RBFOX1: variants seen among roughly 807,000 people sequenced by gnomAD.
RBFOX1 encodes the protein RNA binding protein fox-1 homolog 1.
RBFOX1 carries 8 observed loss-of-function variants against 57.7 expected under a neutral mutation model. The observed-to-expected ratio is 0.14, with a 90% CI of 0.08 to 0.25. The LOEUF (loss-of-function observed/expected upper bound fraction) is 0.25. RBFOX1 is among the 10% of genes least tolerant of loss of function. The probability of loss-of-function intolerance (pLI) is 1.00; values close to 1 mark genes in which losing one functional copy is unlikely to be tolerated. For synonymous variants in RBFOX1, 326 were observed against 222.4 expected, an observed-to-expected ratio of 1.47 and a Z score of -4.15; for missense variants, 611 against 548.5, an observed-to-expected ratio of 1.11 and a Z score of -1.14.
chr16:6,337,457 C>G (rs1438472880), intron 2 of RBFOX1, among the ~76,000 whole-genome samples: 2 of 152,076 alleles, frequency 1.3e-5, no homozygotes, highest in Admixed American at 1.3e-4. Flanking sequence ...AACGAGAATA[C>G]GAATATATGT....
chr16:7,219,140 C>G (rs543067603), intron 4 of RBFOX1, among the ~76,000 whole-genome samples: 3 of 152,122 alleles, frequency 2.0e-5, no homozygotes, highest in South Asian at 2.1e-4. Flanking sequence ...CAGCCCTGCT[C>G]GGAGTAGCCT....
At chr16:5,527,595 T>C (rs1210323726) in intron 2 of RBFOX1, among the ~76,000 whole-genome samples, 1 of 152,216 alleles carries the variant, frequency 6.6e-6, no homozygotes, top group Non-Finnish European at 1.5e-5. Context: ...ATGCGTCTAA[T>C]TAACATGTAC....
chr16:5,497,958 A>T (rs540790649), intron 2 of RBFOX1, among the ~76,000 whole-genome samples: 1 of 152,236 alleles, frequency 6.6e-6, no homozygotes, highest in African/African-American at 2.4e-5. Flanking sequence ...GATGGGGGAA[A>T]GAAAATTTCA....
At chr16:7,637,750 C>A (rs1028049153) in intron 11 of RBFOX1, among the ~76,000 whole-genome samples, 9 of 152,256 alleles carry the variant, frequency 5.9e-5, no homozygotes, top group East Asian at 3.9e-4. Flanking sequence ...AGATATTTTT[C>A]TACTATTTTA....
At chr16:7,207,889 A>C (rs180927354) in intron 4 of RBFOX1, among the ~76,000 whole-genome samples, 5 of 152,198 alleles carry the variant, frequency 3.3e-5, no homozygotes, top group Non-Finnish European at 7.3e-5. Flanking sequence ...AAATGGTGAC[A>C]GTGAGAGTTG....
At chr16:6,602,370 T>C (rs1486374070) in intron 2 of RBFOX1, among the ~76,000 whole-genome samples, 1 of 152,190 alleles carries the variant, frequency 6.6e-6, no homozygotes, top group Non-Finnish European at 1.5e-5. Flanking sequence ...GTACTTTTTG[T>C]CCTGAGCTGT....
chr16:6,391,547 A>T (rs2092604979), intron 2 of RBFOX1, among the ~76,000 whole-genome samples: 1 of 151,754 alleles, frequency 6.6e-6, no homozygotes. Flanking sequence ...TCATGATTTG[A>T]TTCACATTTT....
intron 4 of RBFOX1, among the ~76,000 whole-genome samples, chr16:7,125,856 G>T (rs996298604): frequency 1.3e-5 from 2 of 152,140 alleles, no homozygotes; most frequent in Non-Finnish European, 2.9e-5. Flanking sequence ...GCTGCGGTGG[G>T]TGGATTACCT....
intron 4 of RBFOX1, among the ~76,000 whole-genome samples, chr16:7,128,488 G>A (rs1016208969): frequency 1.3e-5 from 2 of 152,168 alleles, no homozygotes; most frequent in Admixed American, 6.5e-5. Context: ...GGTTCTGTAC[G>A]TGTGTGTCTC....
At chr16:6,197,282 T>C (rs947056343) in intron 1 of RBFOX1, among the ~76,000 whole-genome samples, 5 of 152,148 alleles carry the variant, frequency 3.3e-5, no homozygotes, top group Admixed American at 6.5e-5. Flanking sequence ...TCTTTTTTTT[T>C]CCAAGCTTGA....
Position 7,461,054 on chromosome 16 carries a change from A to G in RBFOX1, c.28-57093A>G, listed in dbSNP as rs528526070. 3.3e-5 allele frequency among the ~76,000 whole-genome samples: 5 copies of G among 152,330 alleles called. No individual in the cohort carries two copies. The East Asian group carries it at 7.7e-4, about 24-fold the overall frequency. On this transcript the variant is annotated intron_variant, in intron 4 of 15. Coordinates refer to ENST00000550418, the MANE Select transcript of RBFOX1 (RefSeq NM_018723.4). ...AGGTCTTTAGGTTTCTGTTAGCCAG[A>G]TAATTATCTTTTGTTTAGTTAGCTA...
intron 1 of RBFOX1, among the ~76,000 whole-genome samples, chr16:6,142,316 A>G (rs910384126): frequency 3.5e-5 from 5 of 142,648 alleles, no homozygotes; most frequent in Non-Finnish European, 7.5e-5. Flanking sequence ...CCACCTCCTG[A>G]GTTCACGCCA....
chr16:5,467,236 C>T (rs961564341), exon 2 of RBFOX1: 15 of 1,498,290 alleles, frequency 1.0e-5, no homozygotes, highest in African/African-American at 7.0e-5. Context: ...GCCTGCCATA[C>T]AGCCTGGTTG....
intron 2 of RBFOX1, among the ~76,000 whole-genome samples, chr16:6,347,447 T>C (rs2085564513): frequency 6.6e-6 from 1 of 152,186 alleles, no homozygotes; most frequent in Non-Finnish European, 1.5e-5. Context: ...AAACAAATGG[T>C]TGCATGAGTT....
chr16:6,248,912 T>C (rs975492272), intron 1 of RBFOX1, among the ~76,000 whole-genome samples: 45 of 152,330 alleles, frequency 3.0e-4, no homozygotes, highest in African/African-American at 1.1e-3. Flanking sequence ...GAGCATTTGC[T>C]GTTATTACTT....
At chr16:7,376,698 T>A (rs1311053101) in intron 4 of RBFOX1, among the ~76,000 whole-genome samples, 3 of 152,192 alleles carry the variant, frequency 2.0e-5, no homozygotes, top group Non-Finnish European at 1.5e-5. Context: ...CAGAGGAATT[T>A]TTTTTCCAAA....
intron 3 of RBFOX1, among the ~76,000 whole-genome samples, chr16:6,896,235 T>G (rs1472600736): frequency 6.6e-6 from 1 of 152,226 alleles, no homozygotes; most frequent in Non-Finnish European, 1.5e-5. Context: ...ATCATGCCAC[T>G]GCACTGTGCA....
At chr16:7,083,818 G>A (rs74008717) in intron 4 of RBFOX1, among the ~76,000 whole-genome samples, 6,949 of 152,104 alleles carry the variant, frequency 0.046, 217 homozygotes, top group African/African-American at 0.083. Context: ...TTGCTTTCAG[G>A]TACACATAGT....
chr16:7,429,140 C>G (rs941140375), intron 4 of RBFOX1, among the ~76,000 whole-genome samples: 5 of 152,158 alleles, frequency 3.3e-5, no homozygotes, highest in African/African-American at 1.2e-4. Context: ...TTTCTGACAT[C>G]TCCTGATGTG....
Sources: allele counts gnomAD v4.1 joint callset (sites outside exome capture counted in the v4.1 genomes callset), GRCh38; gene constraint gnomAD v4.1.1; transcripts MANE v1.5; gene names NCBI Gene and HGNC (gene_info 2026-07-23, HGNC 2026-07-21).